Variants in NLN observed in about 807,000 individuals in gnomAD.
The protein encoded by NLN is neurolysin, mitochondrial.
A neutral mutation model predicts 79.9 loss-of-function variants in NLN; 64 were observed. The ratio of observed to expected loss-of-function variants is 0.80; its 90% CI spans 0.65 to 0.99. The LOEUF is 0.99. Among genes scored for constraint, NLN ranks in the 50% least tolerant of loss-of-function variants. The probability of loss-of-function intolerance (pLI) is 0.00; values close to 1 mark genes in which losing one functional copy is unlikely to be tolerated. For synonymous variants in NLN, 267 were observed against 296.6 expected, an observed-to-expected ratio of 0.90 and a Z score of 1.02; for missense variants, 835 against 858.7, an observed-to-expected ratio of 0.97 and a Z score of 0.34.
At chr5:65,818,437 C>G (rs919320770) in intron 12 of NLN, among the ~76,000 whole-genome samples, 4 of 152,070 alleles carry the variant, frequency 2.6e-5, no homozygotes, top group Admixed American at 6.6e-5. Flanking sequence ...TGGATCTCCT[C>G]CCTCCCCAGA....
Position 65,792,587 on chromosome 5 carries a change from C to G in NLN, c.1459C>G (p.Leu487Val). The change falls in exon 9 of 13, where the codon CTG becomes GTG. Residue 487 changes from leucine (L) to valine (V), a missense_variant. Physicochemically the swap from Leu to Val is conservative, Grantham distance 32 (BLOSUM62 1). Transcript: ENST00000380985. ...GCCAGTGGCAGGTCGTCCCTCTCTC[C>G]TGAGACACGACGAGGTGAGGACTTA... ...SQPVAGRPSL[L>V]RHDEVRTYFH... 1 of 1,613,968 alleles carries G rather than the reference C, an allele frequency of 6.2e-7. No individual in the cohort carries two copies. Among genetic ancestry groups the G allele is most frequent in the Non-Finnish European group, 8.5e-7 (1 of 1,179,842 alleles).
At chr5:65,730,438 A>G (rs1224249562) in intron 1 of NLN, among the ~76,000 whole-genome samples, 1 of 152,212 alleles carries the variant, frequency 6.6e-6, no homozygotes, top group Non-Finnish European at 1.5e-5. Flanking sequence ...GGTGTTTTTG[A>G]GAAAGTAAAG....
intron 6 of NLN, among the ~76,000 whole-genome samples, chr5:65,784,083 A>G (rs1759862646): frequency 6.6e-6 from 1 of 152,166 alleles, no homozygotes; most frequent in Non-Finnish European, 1.5e-5. Context: ...GAATTTGCCC[A>G]AGATCAGGTA....
At chr5:65,739,258 A>C (rs754175825) in intron 1 of NLN, among the ~76,000 whole-genome samples, 54 of 151,810 alleles carry the variant, frequency 3.6e-4, no homozygotes, top group Non-Finnish European at 5.7e-4. Flanking sequence ...TCCACATATG[A>C]GTGAGATCAT....
rs1760851687 is a variant in NLN at position 65,823,700 on chromosome 5, A to G, written c.*785A>G. ...TCTTTTGGCATGTGTGCCAATTAGAATACTAAAGCAAGTCCAAGCACATTT... is the reference window on the plus strand; with the variant it reads ...TCTTTTGGCATGTGTGCCAATTAGAGTACTAAAGCAAGTCCAAGCACATTT... On this transcript the variant is annotated 3_prime_UTR_variant, in exon 13 of 13. Coordinates refer to ENST00000380985, the MANE Select transcript of NLN (RefSeq NM_020726.5). The G allele has an allele frequency of 6.6e-6, 1 of 152,144 alleles. No homozygotes were observed. Among genetic ancestry groups the G allele is most frequent in the African/African-American group, 2.4e-5 (1 of 41,442 alleles). The allele number at this position is 152,144 out of a possible 1,614,324, so 9.4% of individuals were successfully genotyped here. A position where few individuals can be genotyped will look rare whatever the true frequency, so the allele number is the denominator to read the frequency against.
chr5:65,745,871 G>A lies in NLN; in HGVS notation c.42-12696G>A, dbSNP rs569145276. Reference sequence around the variant, plus strand: ...TTAGAAAGCATCCAGAACCTCCCGGGTTTCTGATTTGGACAACTGAGTACA... The same window carrying A: ...TTAGAAAGCATCCAGAACCTCCCGGATTTCTGATTTGGACAACTGAGTACA... On this transcript the variant is annotated intron_variant, in intron 1 of 12. Transcript: ENST00000380985. 2.8e-4 allele frequency among the ~76,000 whole-genome samples: 42 copies of A among 152,294 alleles called. No individual in the cohort carries two copies. In the South Asian group the frequency reaches 4.6e-3, roughly 17 times the overall value.
intron 3 of NLN, among the ~76,000 whole-genome samples, chr5:65,771,433 C>A (rs1276952248): frequency 6.6e-6 from 1 of 152,136 alleles, no homozygotes; most frequent in Non-Finnish European, 1.5e-5. Context: ...ATTCCAGTGG[C>A]CTGCTAAGGA....
chr5:65,796,331 A>G (rs1760172856), intron 9 of NLN, among the ~76,000 whole-genome samples: 1 of 152,162 alleles, frequency 6.6e-6, no homozygotes, highest in South Asian at 2.1e-4. Flanking sequence ...TATTTCTTAC[A>G]TTAATTGTGA....
rs151126156 is a variant in NLN, at chr5:65,753,107, A to G, written c.42-5460A>G. 3.0e-3 allele frequency among the ~76,000 whole-genome samples: 463 copies of G among 152,302 alleles called. 4 individuals are homozygous for G. The highest frequency in any genetic ancestry group is 0.011 in the African/African-American group (445 of 41,570). The stretch of plus-strand genomic sequence containing the variant: ...TTAACTTTCCCACTACAAATAAATG[A>G]CAAGTGTCTGAGGTGATAGTTATGC... On this transcript the variant is annotated intron_variant, in intron 1 of 12. Transcript: ENST00000380985.
intron 9 of NLN, among the ~76,000 whole-genome samples, chr5:65,796,953 G>A (rs1033138148): frequency 6.6e-6 from 1 of 152,200 alleles, no homozygotes; most frequent in African/African-American, 2.4e-5. Context: ...GCTTGTCATC[G>A]TAATATTTAA....
intron 9 of NLN, among the ~76,000 whole-genome samples, chr5:65,798,664 ATCT>A (rs968081970): frequency 6.6e-6 from 1 of 152,126 alleles, no homozygotes; most frequent in Non-Finnish European, 1.5e-5. Context: ...TTCTTTCAAG[ATCT>A]TCTTTTTGTT....
At chr5:65,789,234 C>T (rs1217011834) in intron 8 of NLN, among the ~76,000 whole-genome samples, 1 of 152,160 alleles carries the variant, frequency 6.6e-6, no homozygotes, top group Non-Finnish European at 1.5e-5. Context: ...GAATGTCTGG[C>T]ATCATCATTT....
intron 9 of NLN, among the ~76,000 whole-genome samples, chr5:65,799,765 T>C (rs749906233): frequency 3.9e-5 from 6 of 152,230 alleles, no homozygotes; most frequent in Non-Finnish European, 7.3e-5. Context: ...TACTGAACTG[T>C]TGAACTATAG....
intron 6 of NLN, among the ~76,000 whole-genome samples, chr5:65,783,217 G>T (rs1579947331): frequency 6.6e-6 from 1 of 152,322 alleles, no homozygotes; most frequent in African/African-American, 2.4e-5. Flanking sequence ...AGAAACAGAT[G>T]ATGGTAGTGG....
At chr5:65,749,972 T>A (rs1228031442) in intron 1 of NLN, among the ~76,000 whole-genome samples, 1 of 152,240 alleles carries the variant, frequency 6.6e-6, no homozygotes, top group Non-Finnish European at 1.5e-5. Flanking sequence ...TTAACACTCC[T>A]GCACACATGA....
intron 11 of NLN, 36 bp from the exon 12 acceptor site, chr5:65,812,219 G>A: frequency 6.3e-7 from 1 of 1,598,460 alleles, no homozygotes; most frequent in Non-Finnish European, 8.6e-7. Flanking sequence ...ATTAACGTTT[G>A]CTATCACATT....
intron 1 of NLN, among the ~76,000 whole-genome samples, chr5:65,744,213 G>A (rs754802075): frequency 2.6e-5 from 4 of 152,110 alleles, no homozygotes; most frequent in African/African-American, 9.7e-5. Context: ...GCCTAGGCTG[G>A]TCTTGAACTT....
At chr5:65,741,331 G>A (rs552922712) in intron 1 of NLN, among the ~76,000 whole-genome samples, 4 of 152,120 alleles carry the variant, frequency 2.6e-5, no homozygotes, top group Non-Finnish European at 5.9e-5. Flanking sequence ...GATAGGGATT[G>A]CATTCAATCT....
chr5:65,735,379 C>T (rs1261767792), intron 1 of NLN, among the ~76,000 whole-genome samples: 2 of 152,168 alleles, frequency 1.3e-5, no homozygotes, highest in African/African-American at 4.8e-5. Context: ...TCAATATCAC[C>T]TTTTCCTAAA....
Sources: allele counts gnomAD v4.1 joint callset (sites outside exome capture counted in the v4.1 genomes callset), GRCh38; gene constraint gnomAD v4.1.1; transcripts MANE v1.5; gene names NCBI Gene and HGNC (gene_info 2026-07-23, HGNC 2026-07-21).